The following CYP2C8 variants were observed in gnomAD, a reference collection of about 807,000 sequenced individuals.
CYP2C8 encodes cytochrome P450 family 2 subfamily C member 8.
Under a neutral mutation model 41.3 loss-of-function variants are expected in CYP2C8, and 51 were observed. That is an observed-to-expected ratio of 1.24 (90% CI 0.99 to 1.56). The LOEUF is 1.56. Among genes scored for constraint, CYP2C8 ranks in the 40% most tolerant of loss-of-function variants. The pLI is 0.00. For missense variants in CYP2C8, 651 were observed against 579.9 expected (o/e 1.12, Z -1.26); for synonymous variants, 218 against 205.8 (o/e 1.06, Z -0.51).
At chr10:95,053,068 AAAT>A (rs2033241803) in intron 5 of CYP2C8, among the ~76,000 whole-genome samples, 1 of 152,208 alleles carries the variant, frequency 6.6e-6, no homozygotes, top group South Asian at 2.1e-4. Context: ...AAACTATGAG[AAAT>A]AATAAACAAA....
At position 95,067,316 on chromosome 10, in the gene CYP2C8, G is replaced by A. The variant is rs188111115; in HGVS notation, c.373C>T (p.Arg125Cys). ...TTCCGCAAGGTTGTGAGGGAGAAAC[G>A]CCGGATCTCCTTCCATCTCTTTCCA... is the stretch of plus-strand genomic sequence containing the variant. Reference protein sequence around the residue: ...SNGKRWKEIRRFSLTTLRNFG... With the variant: ...SNGKRWKEIRCFSLTTLRNFG... The change falls in exon 3 of 9, where the codon CGT becomes TGT. Residue 125 changes from arginine to cysteine, a missense_variant. Arg to Cys is a radical substitution (Grantham distance 180). Transcript: ENST00000371270. 5 of 1,614,042 alleles carry A rather than the reference G, an allele frequency of 3.1e-6. No homozygotes were observed. The highest frequency in any genetic ancestry group is 1.3e-5 in the African/African-American group (1 of 74,992).
Position 95,039,057 on chromosome 10 carries a change from A to G in CYP2C8, c.1150-19T>C. 1 of 1,610,830 alleles carries G rather than the reference A, an allele frequency of 6.2e-7. No individual in the cohort carries two copies. The highest frequency in any genetic ancestry group is 8.5e-7 in the Non-Finnish European group (1 of 1,177,008). On this transcript the variant is annotated intron_variant, in intron 7 of 8. Transcript: ENST00000371270. Reference sequence around the variant, plus strand: ...TTGTGCCCTGGAAGTAACAAAACAGATAATCTGATTTATAAAGAAGTCCAG... The same window carrying G: ...TTGTGCCCTGGAAGTAACAAAACAGGTAATCTGATTTATAAAGAAGTCCAG...
intron 8 of CYP2C8, among the ~76,000 whole-genome samples, 156 bp downstream of exon 8, chr10:95,038,741 T>C (rs1056450227): frequency 6.6e-6 from 1 of 152,150 alleles, no homozygotes; most frequent in African/African-American, 2.4e-5. Context: ...TGATGGTGTA[T>C]TGTGAGGGTG....
chr10:95,063,762 T>G (rs1464016529), intron 4 of CYP2C8, among the ~76,000 whole-genome samples: 3 of 152,162 alleles, frequency 2.0e-5, no homozygotes, highest in Non-Finnish European at 4.4e-5. Flanking sequence ...TCCCCCATCT[T>G]TGTGCTTTTA....
At chr10:95,064,988 T>G in intron 3 of CYP2C8, 28 bp from the exon 4 acceptor site, 2 of 1,407,918 alleles carry the variant, frequency 1.4e-6, no homozygotes, top group Non-Finnish European at 1.9e-6. Context: ...TTTAAAAAAA[T>G]TATTAAAAAA....
chr10:95,048,697 G>A (rs11572145), intron 5 of CYP2C8, among the ~76,000 whole-genome samples: 4,387 of 152,224 alleles, frequency 0.029, 233 homozygotes, highest in African/African-American at 0.098. Context: ...GCTAGGAGGT[G>A]GTTCTTGCAG....
In CYP2C8 at chr10:95,067,257, A is replaced by G. The variant is rs1428578963; in HGVS notation, c.432T>C (p.Arg144=). 5 of 1,614,066 alleles carry G rather than the reference A, an allele frequency of 3.1e-6. No homozygotes were observed. Among genetic ancestry groups the G allele is most frequent in the Admixed American group, 3.3e-5 (2 of 60,006 alleles). Residue 144 remains arginine, a synonymous_variant, in exon 3 of 9, where the codon CGT becomes CGC. Coordinates refer to ENST00000371270, the MANE Select transcript of CYP2C8 (RefSeq NM_000770.3). ...FGMGKRSIED[R]VQEEAHCLVE... Reference sequence around the variant, plus strand: ...CAAGGCAGTGAGCTTCCTCTTGAACACGGTCCTCAATGCTCCTCTTCCCCA... The same window carrying G: ...CAAGGCAGTGAGCTTCCTCTTGAACGCGGTCCTCAATGCTCCTCTTCCCCA...
intron 4 of CYP2C8, among the ~76,000 whole-genome samples, chr10:95,059,961 T>A (rs1261648951): frequency 2.0e-5 from 3 of 151,968 alleles, no homozygotes; most frequent in African/African-American, 7.3e-5. Context: ...TGTAGATCTG[T>A]GGTATTATTT....
chr10:95,052,117 G>C (rs990517455), intron 5 of CYP2C8, among the ~76,000 whole-genome samples: 1 of 151,984 alleles, frequency 6.6e-6, no homozygotes, highest in Non-Finnish European at 1.5e-5. Flanking sequence ...AGATGAAAAA[G>C]AAGGCATTAC....
intron 5 of CYP2C8, among the ~76,000 whole-genome samples, 162 bp from the exon 6 acceptor site, chr10:95,046,113 A>G (rs1328635337): frequency 5.3e-5 from 8 of 152,242 alleles, no homozygotes; most frequent in Non-Finnish European, 1.0e-4. Context: ...ACTGCAGATC[A>G]GTTGACTCAA....
intron 7 of CYP2C8, among the ~76,000 whole-genome samples, chr10:95,042,137 G>A (rs2033014834): frequency 6.6e-6 from 1 of 152,100 alleles, no homozygotes; most frequent in South Asian, 2.1e-4. Flanking sequence ...AAATAAGGAT[G>A]CCCTCTATCA....
At chr10:95,045,641 T>G (rs2033092991) in intron 6 of CYP2C8, among the ~76,000 whole-genome samples, 169 bp downstream of exon 6, 1 of 152,194 alleles carries the variant, frequency 6.6e-6, no homozygotes, top group Non-Finnish European at 1.5e-5. Flanking sequence ...CCTCCTCCAT[T>G]GTACAAAGAT....
rs773633325 is a variant in CYP2C8 at position 95,067,714 on chromosome 10, C to A, written c.169-23G>T. The A allele has an allele frequency of 2.5e-6, 4 of 1,613,228 alleles. No homozygotes were observed. The South Asian group carries it at 4.4e-5, about 18-fold the overall frequency. Reference sequence around the variant, plus strand: ...GAACTGGGAAAGGAAATGCAAATAGCAGCAAAATAAGTCGCTATTTGCTCC... The same window carrying A: ...GAACTGGGAAAGGAAATGCAAATAGAAGCAAAATAAGTCGCTATTTGCTCC... On this transcript the variant is annotated intron_variant, in intron 1 of 8. Transcript: ENST00000371270.
intron 8 of CYP2C8, among the ~76,000 whole-genome samples, chr10:95,038,037 T>C (rs1471996090): frequency 6.6e-6 from 1 of 152,190 alleles, no homozygotes; most frequent in Non-Finnish European, 1.5e-5. Flanking sequence ...TGAAGGAAGG[T>C]CTCTGTCCTT....
At chr10:95,061,060 T>C (rs1431759945) in intron 4 of CYP2C8, among the ~76,000 whole-genome samples, 1 of 152,228 alleles carries the variant, frequency 6.6e-6, no homozygotes, top group Non-Finnish European at 1.5e-5. Flanking sequence ...TTATTGAGGA[T>C]TCTTGCATTG....
At chr10:95,066,145 A>AGT (rs1296689212) in intron 3 of CYP2C8, among the ~76,000 whole-genome samples, 3 of 114,602 alleles carry the variant, frequency 2.6e-5, no homozygotes, top group African/African-American at 1.1e-4. Context: ...AGAGAGAGAG[A>AGT]GAGAGAGAGT....
Position 95,037,123 on chromosome 10 carries a change from A to G in CYP2C8, c.*5T>C, listed in dbSNP as rs2032898260. 6.2e-7 allele frequency: 1 copy of G among 1,613,698 alleles called. No homozygotes were observed. The highest frequency in any genetic ancestry group is 1.3e-5 in the African/African-American group (1 of 74,924). On this transcript the variant is annotated 3_prime_UTR_variant, in exon 9 of 9. Coordinates refer to ENST00000371270, the MANE Select transcript of CYP2C8 (RefSeq NM_000770.3). Reference sequence around the variant, plus strand: ...CAGATCGGCAGCCAGATGGGCTAGCATTCTTCAGACAGGGATGAAGCAGAT... The same window carrying G: ...CAGATCGGCAGCCAGATGGGCTAGCGTTCTTCAGACAGGGATGAAGCAGAT...
rs2032942002 is a variant in CYP2C8, at chr10:95,038,960, C to T, written c.1228G>A (p.Gly410Ser). Residue 410 changes from glycine (G) to serine (S), a missense_variant, in exon 8 of 9, where the codon GGC becomes AGC. Physicochemically the swap from Gly to Ser is moderately conservative, Grantham distance 56. Coordinates refer to ENST00000371270, the MANE Select transcript of CYP2C8 (RefSeq NM_000770.3). Reference sequence around the variant, plus strand: ...TTGCCATTCTTATCTAGAAAGTGGCCAGGGTCAAAGATATTTGGATTAGGA... The same window carrying T: ...TTGCCATTCTTATCTAGAAAGTGGCTAGGGTCAAAGATATTTGGATTAGGA... Reference protein sequence around the residue: ...EFPNPNIFDPGHFLDKNGNFK... With the variant: ...EFPNPNIFDPSHFLDKNGNFK... 1 of 1,613,650 alleles carries T rather than the reference C, an allele frequency of 6.2e-7. No homozygotes were observed. The highest frequency in any genetic ancestry group is 1.3e-5 in the African/African-American group (1 of 74,874).
chr10:95,054,425 T>C (rs755018238), intron 5 of CYP2C8, among the ~76,000 whole-genome samples: 2 of 152,118 alleles, frequency 1.3e-5, no homozygotes, highest in Non-Finnish European at 2.9e-5. Context: ...AAAATGTATT[T>C]ATAAAAATTC....
Sources: gnomAD v4.1 joint callset for allele counts (sites outside exome capture counted in the v4.1 genomes callset) on GRCh38, gnomAD v4.1.1 for gene constraint, MANE v1.5 for transcripts, NCBI Gene and HGNC (gene_info 2026-07-23, HGNC 2026-07-21) for gene names.